NME4: variants seen among roughly 807,000 people sequenced by gnomAD.
NME4 encodes the protein nucleoside diphosphate kinase D, mitochondrial.
A neutral mutation model predicts 16.4 loss-of-function variants in NME4; 21 were observed. The observed-to-expected ratio is 1.28, with a 90% confidence interval of 0.91 to 1.84. The LOEUF is 1.84. Ranked by LOEUF, NME4 falls within the 40% of genes most tolerant of loss-of-function variation. The pLI is 0.00. For synonymous variants in NME4, 132 were observed against 107.5 expected, an observed-to-expected ratio of 1.23 and a Z score of -1.41; for missense variants, 316 against 261.3, an observed-to-expected ratio of 1.21 and a Z score of -1.44.
rs1236480425 is a variant in NME4, at chr16:398,148, T to G, written c.91+835T>G. On this transcript the variant is annotated intron_variant, in intron 1 of 4. Coordinates refer to ENST00000219479, the MANE Select transcript of NME4 (RefSeq NM_005009.3). Reference sequence around the variant, plus strand: ...CAGGGACCCGATGCCGGAGGGTAGCTTGGCTCTGGAGCAGCCTGGGACTAT... The same window carrying G: ...CAGGGACCCGATGCCGGAGGGTAGCGTGGCTCTGGAGCAGCCTGGGACTAT... 6 of 1,528,428 alleles carry G rather than the reference T, an allele frequency of 3.9e-6. No homozygotes were observed. The Admixed American group carries it at 6.0e-5, about 15-fold the overall frequency. 94.7% of individuals were successfully genotyped at this position (1,528,428 alleles called of 1,614,324 possible). A position where few individuals can be genotyped will look rare whatever the true frequency, so the allele number is the denominator to read the frequency against.
chr16:399,601 T>A lies in NME4; in HGVS notation c.328-26T>A, dbSNP rs371936354. ...AGGGGCCCTTGGTGTTCCCCACTTC[T>A]CCCCAACCATTATCTCTCGCTGCAG... On this transcript the variant is annotated intron_variant, in intron 3 of 4. Transcript: ENST00000219479. 2.5e-5 allele frequency: 40 copies of A among 1,609,254 alleles called. No individual in the cohort carries two copies. In the African/African-American group the frequency reaches 5.2e-4, roughly 21 times the overall value.
chr16:397,794 G>T, intron 1 of NME4: 4 of 1,529,414 alleles, frequency 2.6e-6, no homozygotes, highest in Non-Finnish European at 2.6e-6. Context: ...GCCAGAATCT[G>T]ACTGGGACGT....
At position 399,053 on chromosome 16, in the gene NME4, G is replaced by A. The variant is rs371586960; in HGVS notation, c.155G>A (p.Arg52Gln). 87 of 1,606,864 alleles carry A rather than the reference G, an allele frequency of 5.4e-5. No homozygotes were observed. The highest frequency in any genetic ancestry group is 6.6e-5 in the Non-Finnish European group (78 of 1,179,528). Residue 52 changes from arginine (R) to glutamine (Q), a missense_variant, in exon 2 of 5, where the codon CGG (arginine) becomes CAG (glutamine). Arg to Gln is a conservative substitution (Grantham distance 43). Coordinates refer to ENST00000219479, the MANE Select transcript of NME4 (RefSeq NM_005009.3). ...VAVKPDGVQR[R>Q]LVGDVIQRFE... ...GTGAAGCCCGATGGCGTGCAACGGCGGCTCGTTGGGGACGTGATCCAGCGC... is the reference window on the plus strand; with the variant it reads ...GTGAAGCCCGATGGCGTGCAACGGCAGCTCGTTGGGGACGTGATCCAGCGC...
At chr16:399,319 C>A in intron 2 of NME4, 60 bp from the exon 3 acceptor site, 1 of 1,530,898 alleles carries the variant, frequency 6.5e-7, no homozygotes, top group Non-Finnish European at 9.0e-7. Flanking sequence ...GGCATCACAG[C>A]TGCTGTGCTA....
At chr16:397,987 A>G in intron 1 of NME4, 3 of 1,542,886 alleles carry the variant, frequency 1.9e-6, no homozygotes, top group Non-Finnish European at 2.6e-6. Flanking sequence ...TTTTGGGGGA[A>G]CAAACCAACC....
At chr16:397,348 A>G (rs7189866) in intron 1 of NME4, 35 bp downstream of exon 1, 388,779 of 880,728 alleles carry the variant, frequency 0.44, 86,407 homozygotes, top group African/African-American at 0.72. Context: ...GGGGACGCGG[A>G]GGGGAGGAAG....
At position 400,253 on chromosome 16, in the gene NME4, G is replaced by A; in HGVS notation, c.475G>A (p.Ala159Thr). 2 of 1,604,284 alleles carry A rather than the reference G, an allele frequency of 1.2e-6. No homozygotes were observed. The highest frequency in any genetic ancestry group is 1.7e-5 in the Admixed American group (1 of 59,576). ...CCACGCCAGCGACTCCGTGGAGGGG[G>A]CCCAGCGGGAGATCCAGCTGTGGTT... The part of the protein sequence containing the change: ...VIHASDSVEG[A>T]QREIQLWFQS... The change falls in exon 5 of 5, where the codon GCC (alanine) becomes ACC (threonine). Residue 159 changes from alanine to threonine, a missense_variant. Transcript: ENST00000219479.
chr16:398,541 A>G, intron 1 of NME4: 1 of 601,478 alleles, frequency 1.7e-6, no homozygotes, highest in South Asian at 2.1e-5. Context: ...GGAGTTTTGC[A>G]GGATCTCCAG....
intron 2 of NME4, 84 bp downstream of exon 2, chr16:399,207 C>T (rs1056991320): frequency 2.8e-5 from 44 of 1,561,210 alleles, no homozygotes; most frequent in Non-Finnish European, 3.6e-5. Context: ...CAGCCAGCGC[C>T]GGGGCAGGGC....
At chr16:397,755 G>T (rs561620248) in intron 1 of NME4, 11 of 1,286,502 alleles carry the variant, frequency 8.6e-6, no homozygotes, top group Non-Finnish European at 1.1e-5. Flanking sequence ...GAGCCGCTCC[G>T]CTGGGGCGTT....
chr16:398,138 G>A lies in NME4; in HGVS notation c.91+825G>A, dbSNP rs548589997. 401 of 1,530,248 alleles carry A rather than the reference G, an allele frequency of 2.6e-4. 1 individual carries two copies. Among genetic ancestry groups the A allele is most frequent in the South Asian group, 5.5e-4 (46 of 83,042 alleles). The allele number at this position is 1,530,248 out of a possible 1,614,324, so 94.8% of individuals were successfully genotyped here. Reference sequence around the variant, plus strand: ...CTCTGGAAACCAGGGACCCGATGCCGGAGGGTAGCTTGGCTCTGGAGCAGC... The same window carrying A: ...CTCTGGAAACCAGGGACCCGATGCCAGAGGGTAGCTTGGCTCTGGAGCAGC... On this transcript the variant is annotated intron_variant, in intron 1 of 4. Transcript: ENST00000219479.
intron 3 of NME4, 63 bp downstream of exon 3, chr16:399,543 C>T: frequency 6.3e-7 from 1 of 1,594,884 alleles, no homozygotes; most frequent in Middle Eastern, 1.7e-4. Context: ...GTGTCTTTCC[C>T]CCCAGCAAAG....
intron 1 of NME4, chr16:398,379 T>G: frequency 7.9e-7 from 1 of 1,258,494 alleles, no homozygotes; most frequent in South Asian, 1.3e-5. Flanking sequence ...TTTCCAGGGC[T>G]CACCTGGTGG....
chr16:397,191 T>A, upstream of NME4: 1 of 960,216 alleles, frequency 1.0e-6, no homozygotes, highest in Non-Finnish European at 1.2e-6. Context: ...CGCCCGCTCC[T>A]CGCGCTCACA....
In NME4 at chr16:400,300, C is replaced by T. The variant is rs1287741912; in HGVS notation, c.522C>T (p.Ser174=). 6.2e-7 allele frequency: 1 copy of T among 1,606,818 alleles called. No individual in the cohort carries two copies. The highest frequency in any genetic ancestry group is 8.5e-7 in the Non-Finnish European group (1 of 1,177,478). Residue 174 remains serine (S), a synonymous_variant, in exon 5 of 5, where the codon AGC becomes AGT. Coordinates refer to ENST00000219479, the MANE Select transcript of NME4 (RefSeq NM_005009.3). ...QLWFQSSELV[S]WADGGQHSSI... Reference sequence around the variant, plus strand: ...GGTTCCAGAGCAGTGAGCTGGTGAGCTGGGCAGACGGGGGCCAGCACAGCA... The same window carrying T: ...GGTTCCAGAGCAGTGAGCTGGTGAGTTGGGCAGACGGGGGCCAGCACAGCA...
rs143001723 is a variant in NME4, at chr16:399,013, C to A, written c.115C>A (p.Arg39=). 2.0e-5 allele frequency: 32 copies of A among 1,610,034 alleles called. No homozygotes were observed. In the African/African-American group the frequency reaches 4.0e-4, roughly 20 times the overall value. ...GSGGPSWTRE[R]TLVAVKPDGV... ...AGGAGGGCCCTCCTGGACCCGGGAGCGGACCCTGGTGGCGGTGAAGCCCGA... is the reference window on the plus strand; with the variant it reads ...AGGAGGGCCCTCCTGGACCCGGGAGAGGACCCTGGTGGCGGTGAAGCCCGA... Residue 39 remains arginine (R), a synonymous_variant, in exon 2 of 5, where the codon CGG becomes AGG. Transcript: ENST00000219479.
chr16:400,078 A>C (rs551257500), intron 4 of NME4, 141 bp from the exon 5 acceptor site: 1 of 1,285,318 alleles, frequency 7.8e-7, no homozygotes, highest in Non-Finnish European at 1.1e-6. Context: ...CCGGTTTCCC[A>C]GCTCCACTGT....
At chr16:397,846 A>G in intron 1 of NME4, 1 of 1,540,738 alleles carries the variant, frequency 6.5e-7, no homozygotes, top group South Asian at 1.2e-5. Flanking sequence ...CGGCCCCCCC[A>G]GCTGCCACCT....
At chr16:398,122 C>G in intron 1 of NME4, 3 of 1,534,590 alleles carry the variant, frequency 2.0e-6, no homozygotes, top group African/African-American at 2.8e-5. Context: ...CCTCTGGAAA[C>G]CAGGGACCCG....
Sources: gnomAD v4.1 joint callset for allele counts on GRCh38, gnomAD v4.1.1 for gene constraint, MANE v1.5 for transcripts, NCBI Gene and HGNC (gene_info 2026-07-23, HGNC 2026-07-21) for gene names.